FNIP1: variants seen among roughly 807,000 people sequenced by gnomAD.
FNIP1 encodes the protein folliculin interacting protein 1.
FNIP1 carries 40 observed loss-of-function variants against 124.5 expected under a neutral mutation model. The observed-to-expected ratio is 0.32, with a 90% CI of 0.25 to 0.42. The LOEUF (loss-of-function observed/expected upper bound fraction) is 0.42. Among genes scored for constraint, FNIP1 ranks in the 10% least tolerant of loss-of-function variants. The probability of loss-of-function intolerance (pLI) is 1.00; values close to 1 mark genes in which losing one functional copy is unlikely to be tolerated. For synonymous variants in FNIP1, 472 were observed against 470.6 expected (o/e 1.00, Z -0.04); for missense variants, 1,176 against 1,403.7 (o/e 0.84, Z 2.59).
chr5:131,697,769 C>T (rs1412643022), intron 11 of FNIP1, among the ~76,000 whole-genome samples: 1 of 151,552 alleles, frequency 6.6e-6, no homozygotes, highest in African/African-American at 2.4e-5. Context: ...AGTTTGAGAA[C>T]AGCCTGGCCA....
chr5:131,779,855 T>C (rs886679563), intron 1 of FNIP1, among the ~76,000 whole-genome samples: 5 of 151,886 alleles, frequency 3.3e-5, no homozygotes, highest in Non-Finnish European at 5.9e-5. Flanking sequence ...ATCTGGGTAA[T>C]GGCAGATGTT....
chr5:131,678,103 A>G (rs1767963717), intron 12 of FNIP1, among the ~76,000 whole-genome samples: 1 of 152,246 alleles, frequency 6.6e-6, no homozygotes, highest in African/African-American at 2.4e-5. Flanking sequence ...TAACACATTC[A>G]TAAGAGCTAT....
chr5:131,736,243 CA>C (rs1247379205), intron 2 of FNIP1, among the ~76,000 whole-genome samples: 1 of 152,060 alleles, frequency 6.6e-6, no homozygotes, highest in Non-Finnish European at 1.5e-5. Context: ...TATTGATCAC[CA>C]ACAAAATGCC....
intron 2 of FNIP1, 115 bp from the exon 3 acceptor site, chr5:131,731,153 A>T: frequency 1.1e-6 from 1 of 875,752 alleles, no homozygotes; most frequent in Non-Finnish European, 1.7e-6. Context: ...AAAATACAAC[A>T]TTAATATGGC....
At chr5:131,737,702 T>A (rs1470021039) in intron 2 of FNIP1, among the ~76,000 whole-genome samples, 1 of 152,240 alleles carries the variant, frequency 6.6e-6, no homozygotes, top group Non-Finnish European at 1.5e-5. Context: ...GTAAAGATAG[T>A]AAGTGCTAAC....
At chr5:131,785,206 A>G (rs1012600572) in intron 1 of FNIP1, among the ~76,000 whole-genome samples, 1 of 145,938 alleles carries the variant, frequency 6.9e-6, no homozygotes, top group Non-Finnish European at 1.5e-5. Flanking sequence ...GACTATATAT[A>G]TATCATAACG....
chr5:131,730,352 T>C (rs933029081), intron 3 of FNIP1, among the ~76,000 whole-genome samples: 2 of 152,206 alleles, frequency 1.3e-5, no homozygotes, highest in African/African-American at 4.8e-5. Flanking sequence ...TATAAAATAC[T>C]TGTGATTAAT....
At chr5:131,706,108 C>T (rs747232644) in intron 9 of FNIP1, among the ~76,000 whole-genome samples, 8 of 151,908 alleles carry the variant, frequency 5.3e-5, no homozygotes, top group South Asian at 4.1e-4. Context: ...TGAGGAATTA[C>T]GTTGAATGGA....
At chr5:131,752,121 G>A (rs945528391) in intron 1 of FNIP1, among the ~76,000 whole-genome samples, 4 of 152,082 alleles carry the variant, frequency 2.6e-5, no homozygotes, top group Non-Finnish European at 4.4e-5. Context: ...TTGGCTCACT[G>A]CAAGCTCCGC....
chr5:131,777,206 G>T (rs962605408), intron 1 of FNIP1, among the ~76,000 whole-genome samples: 2 of 151,088 alleles, frequency 1.3e-5, no homozygotes, highest in African/African-American at 2.4e-5. Flanking sequence ...CAACATAAAA[G>T]AAATATTTTA....
intron 11 of FNIP1, among the ~76,000 whole-genome samples, chr5:131,680,746 C>T (rs1176907500): frequency 1.3e-5 from 2 of 151,912 alleles, no homozygotes; most frequent in Non-Finnish European, 2.9e-5. Context: ...ACAGTGAGAC[C>T]CTGTCTCTAT....
intron 2 of FNIP1, among the ~76,000 whole-genome samples, chr5:131,731,946 C>T (rs997957260): frequency 5.3e-5 from 8 of 152,070 alleles, no homozygotes; most frequent in East Asian, 1.9e-4. Context: ...TTTATTCTTT[C>T]GAAATGAGAA....
At chr5:131,781,745 T>C (rs1302595000) in intron 1 of FNIP1, among the ~76,000 whole-genome samples, 1 of 152,202 alleles carries the variant, frequency 6.6e-6, no homozygotes, top group Non-Finnish European at 1.5e-5. Flanking sequence ...ACAAGGAGAT[T>C]AATGTTATCA....
At chr5:131,729,546 C>T (rs1358595381) in intron 3 of FNIP1, among the ~76,000 whole-genome samples, 2 of 152,204 alleles carry the variant, frequency 1.3e-5, no homozygotes, top group Admixed American at 1.3e-4. Flanking sequence ...CAGACCGAAG[C>T]TGTTCCTATT....
Position 131,706,533 on chromosome 5 carries a change from G to A in FNIP1, c.792C>T (p.Ser264=), listed in dbSNP as rs1362818870. The A allele has an allele frequency of 7.5e-6, 12 of 1,597,940 alleles. No individual in the cohort carries two copies. The highest frequency in any genetic ancestry group is 8.5e-6 in the Non-Finnish European group (10 of 1,171,590). Residue 264 remains serine, a synonymous_variant, in exon 9 of 18, where the codon AGC becomes AGT. Coordinates refer to ENST00000510461, the MANE Select transcript of FNIP1 (RefSeq NM_133372.3). ...SGIARSASLS[S]LLITPFPSPN... is the part of the protein sequence containing the mutation. ...GGGAAGGAAATGGAGTGATCAGCAA[G>A]CTGCTGAGAGATGCTGTTAAGTCAG...
intron 1 of FNIP1, among the ~76,000 whole-genome samples, chr5:131,772,424 A>T (rs1193975960): frequency 1.5e-4 from 2 of 13,624 alleles, no homozygotes; most frequent in East Asian, 1.6e-3. Flanking sequence ...TCAAACCAAA[A>T]AAAAAAAAAA....
intron 15 of FNIP1, among the ~76,000 whole-genome samples, chr5:131,653,709 CTG>C (rs375513875): frequency 6.3e-4 from 96 of 152,292 alleles, no homozygotes; most frequent in African/African-American, 2.3e-3. Flanking sequence ...ACTTTTTACT[CTG>C]TATATCTTTA....
chr5:131,796,509 G>A (rs1215626771), intron 1 of FNIP1: 1 of 380,272 alleles, frequency 2.6e-6, no homozygotes, highest in Non-Finnish European at 4.8e-6. Flanking sequence ...TCGGTGCCAG[G>A]AAGGCGTGTG....
At chr5:131,697,054 A>G (rs1160233570) in intron 11 of FNIP1, among the ~76,000 whole-genome samples, 1 of 152,174 alleles carries the variant, frequency 6.6e-6, no homozygotes, top group Non-Finnish European at 1.5e-5. Context: ...TATGTATGGC[A>G]TGCCTACAAT....
Sources: gnomAD v4.1 joint callset for allele counts (sites outside exome capture counted in the v4.1 genomes callset) on GRCh38, gnomAD v4.1.1 for gene constraint, MANE v1.5 for transcripts, NCBI Gene and HGNC (gene_info 2026-07-23, HGNC 2026-07-21) for gene names.